Variants in IQSEC1 observed in about 807,000 individuals in gnomAD.
The protein encoded by IQSEC1 is IQ motif and Sec7 domain ArfGEF 1, also known as IQ motif and SEC7 domain-containing protein 1.
IQSEC1 carries 31 observed loss-of-function variants against 91.0 expected under a neutral mutation model. The ratio of observed to expected loss-of-function variants is 0.34; its 90% confidence interval spans 0.26 to 0.46. The LOEUF (loss-of-function observed/expected upper bound fraction) is 0.46, where lower values mean the gene tolerates loss of function less well. Among genes scored for constraint, IQSEC1 ranks in the 20% least tolerant of loss-of-function variants. IQSEC1 has a pLI of 1.00. For synonymous variants in IQSEC1, 699 were observed against 662.6 expected (o/e 1.05, Z -0.84); for missense variants, 1,388 against 1,575.6 (o/e 0.88, Z 2.02).
In IQSEC1 at chr3:13,013,662, T is replaced by C. The variant is rs944419515; in HGVS notation, c.23+59330A>G. ...CACAGAACATGTCATCCCCATGACC[T>C]ATCATGCATGCATTGCGTTAGTCAT... On this transcript the variant is annotated intron_variant, in intron 1 of 13. Coordinates refer to ENST00000613206, the MANE Select transcript of IQSEC1 (RefSeq NM_001134382.3). Among the ~76,000 whole-genome samples, 4 of 152,206 alleles carry C rather than the reference T, an allele frequency of 2.6e-5. No individual in the cohort carries two copies. The South Asian group carries it at 8.3e-4, about 32-fold the overall frequency.
intron 1 of IQSEC1, among the ~76,000 whole-genome samples, chr3:13,265,535 G>A (rs187248483): frequency 3.9e-5 from 6 of 152,322 alleles, no homozygotes; most frequent in Non-Finnish European, 7.3e-5. Flanking sequence ...TGAAACCCAT[G>A]GTTTCTTCTC....
intron 1 of IQSEC1, among the ~76,000 whole-genome samples, chr3:12,942,258 TTC>T (rs1240390583): frequency 6.6e-6 from 1 of 152,192 alleles, no homozygotes; most frequent in African/African-American, 2.4e-5. Context: ...ACTCAGCGAA[TTC>T]TGTCGCCTTT....
chr3:12,922,005 C>T lies in IQSEC1; in HGVS notation c.1853+115G>A, dbSNP rs1696676007. The T allele has an allele frequency of 1.5e-6, 2 of 1,294,028 alleles. No homozygotes were observed. Among genetic ancestry groups the T allele is most frequent in the Non-Finnish European group, 2.1e-6 (2 of 972,410 alleles). The allele number at this position is 1,294,028 out of a possible 1,614,324, so 80.2% of individuals were successfully genotyped here. Reference sequence around the variant, plus strand: ...TCACCCCCAAAGCAACATTCAGGGACACCTGGCCCTGTCTAGGGATGGTGG... The same window carrying T: ...TCACCCCCAAAGCAACATTCAGGGATACCTGGCCCTGTCTAGGGATGGTGG... On this transcript the variant is annotated intron_variant, in intron 5 of 13. Coordinates refer to ENST00000613206, the MANE Select transcript of IQSEC1 (RefSeq NM_001134382.3). The surrounding 1 kb of genome is among the most constrained non-coding windows in gnomAD (Gnocchi z 5.1).
chr3:12,915,273 GCTCT>G (rs1322893855), intron 7 of IQSEC1, 140 bp from the exon 8 acceptor site: 33 of 1,009,876 alleles, frequency 3.3e-5, no homozygotes, highest in Middle Eastern at 2.0e-4. Context: ...CTCTGGCAGA[GCTCT>G]CTGAGGGGTC....
intron 1 of IQSEC1, among the ~76,000 whole-genome samples, chr3:13,264,964 G>GT (rs1306230598): frequency 1.2e-4 from 18 of 151,838 alleles, no homozygotes; most frequent in African/African-American, 3.9e-4. Flanking sequence ...CTGTCTGTCT[G>GT]CCTCTCTTTC....
At chr3:12,993,902 C>T (rs1291344799) in intron 1 of IQSEC1, among the ~76,000 whole-genome samples, 1 of 152,116 alleles carries the variant, frequency 6.6e-6, no homozygotes, top group Non-Finnish European at 1.5e-5. Flanking sequence ...GCCGCGATCC[C>T]CGCGCGCCCC....
chr3:13,115,335 G>T (rs2686747), intron 2 of IQSEC1, among the ~76,000 whole-genome samples: 22,018 of 152,078 alleles, frequency 0.14, 1,643 homozygotes, highest in African/African-American at 0.18. Context: ...GCTCTGAGGA[G>T]CTCAGTTTCA....
chr3:12,991,823 G>A (rs1438768245), intron 1 of IQSEC1, among the ~76,000 whole-genome samples: 1 of 152,226 alleles, frequency 6.6e-6, no homozygotes, highest in Non-Finnish European at 1.5e-5. Context: ...GGACAATGGG[G>A]GAAGGGAGCA....
At chr3:12,952,434 G>C (rs763904945) in intron 1 of IQSEC1, among the ~76,000 whole-genome samples, 1 of 152,140 alleles carries the variant, frequency 6.6e-6, no homozygotes, top group Non-Finnish European at 1.5e-5. Flanking sequence ...CACAGAGCCC[G>C]CATCTGCCAG....
chr3:13,149,759 C>T (rs115826626), intron 2 of IQSEC1, among the ~76,000 whole-genome samples: 3,642 of 152,242 alleles, frequency 0.024, 137 homozygotes, highest in African/African-American at 0.082. Context: ...AAGGCCCAGC[C>T]GCAAAGCTGG....
intron 2 of IQSEC1, among the ~76,000 whole-genome samples, chr3:13,088,246 G>A (rs1705770015): frequency 1.3e-5 from 2 of 152,360 alleles, no homozygotes; most frequent in African/African-American, 4.8e-5. Context: ...CGAAGGAACA[G>A]ATGAAAGTGG....
intron 3 of IQSEC1, among the ~76,000 whole-genome samples, chr3:12,932,633 C>T (rs1697780758): frequency 6.6e-6 from 1 of 152,216 alleles, no homozygotes; most frequent in East Asian, 1.9e-4. Flanking sequence ...ACTCTGGACA[C>T]AGAAGCCCTT....
At chr3:13,261,080 C>T (rs774859300) in intron 1 of IQSEC1, among the ~76,000 whole-genome samples, 3 of 152,224 alleles carry the variant, frequency 2.0e-5, no homozygotes, top group Non-Finnish European at 4.4e-5. Context: ...GAGGCGAGGA[C>T]ATGGCACTTG....
chr3:13,115,829 C>T (rs895664063), intron 2 of IQSEC1, among the ~76,000 whole-genome samples: 4 of 152,198 alleles, frequency 2.6e-5, no homozygotes, highest in Non-Finnish European at 5.9e-5. Context: ...AACAGAAAAA[C>T]ACTCTCTCCT....
chr3:13,258,083 A>C (rs890564839), intron 1 of IQSEC1, among the ~76,000 whole-genome samples: 1 of 152,248 alleles, frequency 6.6e-6, no homozygotes, highest in Non-Finnish European at 1.5e-5. Context: ...GAGAGGGATG[A>C]ACAGGCAGAG....
At chr3:12,982,774 C>T (rs1701530992) in intron 1 of IQSEC1, among the ~76,000 whole-genome samples, 1 of 152,232 alleles carries the variant, frequency 6.6e-6, no homozygotes, top group African/African-American at 2.4e-5. Flanking sequence ...GAAAGAGCTG[C>T]CTGCCTGTGG....
At chr3:13,087,060 G>A (rs79480072) in intron 2 of IQSEC1, among the ~76,000 whole-genome samples, 2,082 of 152,282 alleles carry the variant, frequency 0.014, 50 homozygotes, top group African/African-American at 0.048. Flanking sequence ...TCAGGGGATC[G>A]TGGGTGCCAC....
At chr3:13,273,995 T>A (rs183513325) in intron 1 of IQSEC1, among the ~76,000 whole-genome samples, 28 of 152,126 alleles carry the variant, frequency 1.8e-4, no homozygotes, top group African/African-American at 6.8e-4. Context: ...ACTGTCCCCA[T>A]AGCAGAGATG....
intron 1 of IQSEC1, among the ~76,000 whole-genome samples, chr3:13,201,435 A>G (rs1694244981): frequency 6.6e-6 from 1 of 152,286 alleles, no homozygotes. Flanking sequence ...GGCTCCAGTG[A>G]TCCTCCCACC....
Sources: allele counts gnomAD v4.1 joint callset (sites outside exome capture counted in the v4.1 genomes callset), GRCh38; gene constraint gnomAD v4.1.1; non-coding constraint Gnocchi (gnomAD v3.1); transcripts MANE v1.5; gene names NCBI Gene and HGNC (gene_info 2026-07-23, HGNC 2026-07-21).